The following PCDHGA10 variants were observed in gnomAD, a reference collection of about 807,000 sequenced individuals.
PCDHGA10 encodes protocadherin gamma-A10.
In PCDHGA10, 42 loss-of-function variants were observed where a neutral mutation model predicts 59.5. The observed-to-expected ratio is 0.71, with a 90% CI of 0.55 to 0.91. PCDHGA10 has a LOEUF of 0.91. PCDHGA10 is among the 40% of genes least tolerant of loss of function. PCDHGA10 has a pLI of 0.00. For synonymous variants in PCDHGA10, 511 were observed against 517.2 expected (o/e 0.99, Z 0.16); for missense variants, 1,111 against 1,198.2 (o/e 0.93, Z 1.07).
At chr5:141,454,471 A>C (rs774315258) in intron 1 of PCDHGA10, among the ~76,000 whole-genome samples, 7 of 152,198 alleles carry the variant, frequency 4.6e-5, no homozygotes, top group Non-Finnish European at 7.3e-5. Context: ...CAATGGCATG[A>C]TCTCAGCTCA....
intron 1 of PCDHGA10, among the ~76,000 whole-genome samples, chr5:141,442,843 G>C (rs1264073611): frequency 2.0e-5 from 3 of 152,134 alleles, no homozygotes; most frequent in African/African-American, 7.2e-5. Flanking sequence ...GACAAATCTT[G>C]GCCATTGTAG....
At chr5:141,418,407 A>C (rs1165583519) in intron 1 of PCDHGA10, 1 of 1,613,926 alleles carries the variant, frequency 6.2e-7, no homozygotes, top group Non-Finnish European at 8.5e-7. Flanking sequence ...TTGGTGGAGA[A>C]AGACAATCCT....
rs367905789 is a variant in PCDHGA10 at position 141,487,335 on chromosome 5, G to A, written c.2437-7472G>A. 11 of 1,614,064 alleles carry A rather than the reference G, an allele frequency of 6.8e-6. No individual in the cohort carries two copies. The highest frequency in any genetic ancestry group is 8.5e-6 in the Non-Finnish European group (10 of 1,180,044). Reference sequence around the variant, plus strand: ...TCTAAGTGTCTTCGTGGGGCAGCCTGTGGAGTCACATGCTTTCCTGCTGGC... The same window carrying A: ...TCTAAGTGTCTTCGTGGGGCAGCCTATGGAGTCACATGCTTTCCTGCTGGC... On this transcript the variant is annotated intron_variant, in intron 1 of 3. Transcript: ENST00000398610. This position sits in a 1 kb window ranked among gnomAD's most constrained non-coding sequence, Gnocchi z 5.0.
At chr5:141,475,600 T>A (rs1023916159) in intron 1 of PCDHGA10, among the ~76,000 whole-genome samples, 2 of 152,192 alleles carry the variant, frequency 1.3e-5, no homozygotes, top group Admixed American at 1.3e-4. Context: ...TTCCAGACAA[T>A]GTTGTGTAGT....
At chr5:141,417,832 G>C in intron 1 of PCDHGA10, 1 of 1,528,846 alleles carries the variant, frequency 6.5e-7, no homozygotes. Flanking sequence ...CTGGAAAAGC[G>C]GGGACCCAGC....
At chr5:141,430,404 A>T (rs1054341813) in intron 1 of PCDHGA10, among the ~76,000 whole-genome samples, 2 of 152,000 alleles carry the variant, frequency 1.3e-5, no homozygotes, top group African/African-American at 4.8e-5. Flanking sequence ...AAAGCTCACT[A>T]AAGTTTCTAT....
intron 1 of PCDHGA10, among the ~76,000 whole-genome samples, chr5:141,465,907 G>C (rs1367648934): frequency 6.6e-6 from 1 of 152,056 alleles, no homozygotes; most frequent in East Asian, 1.9e-4. Flanking sequence ...CAAATCACGA[G>C]GTCAGGATTT....
chr5:141,415,890 C>A lies in PCDHGA10; in HGVS notation c.2436+279C>A, dbSNP rs2095969500. The A allele has an allele frequency of 9.7e-6, 9 of 931,410 alleles. No homozygotes were observed. In the South Asian group the frequency reaches 2.3e-4, roughly 24 times the overall value. 57.7% of individuals were successfully genotyped at this position (931,410 alleles called of 1,614,324 possible). On this transcript the variant is annotated intron_variant, in intron 1 of 3. Coordinates refer to ENST00000398610, the MANE Select transcript of PCDHGA10 (RefSeq NM_018913.3). Reference sequence around the variant, plus strand: ...GTTGTTGAGTACAATATTGACAATTCCTAAGACAGACTTCCATACAGAAGT... The same window carrying A: ...GTTGTTGAGTACAATATTGACAATTACTAAGACAGACTTCCATACAGAAGT...
rs144804989 is a variant in PCDHGA10 at position 141,489,791 on chromosome 5, C to T, written c.2437-5016C>T. 1.9e-6 allele frequency: 3 copies of T among 1,614,056 alleles called. No individual in the cohort carries two copies. Among genetic ancestry groups the T allele is most frequent in the Admixed American group, 1.7e-5 (1 of 60,010 alleles). Reference sequence around the variant, plus strand: ...AGCCACTTCTCTCTGAATGTGAAGACCCTAAAAGATGGGAAGCCATTCCCA... The same window carrying T: ...AGCCACTTCTCTCTGAATGTGAAGATCCTAAAAGATGGGAAGCCATTCCCA... On this transcript the variant is annotated intron_variant, in intron 1 of 3. Transcript: ENST00000398610. This position sits in a 1 kb window ranked among gnomAD's most constrained non-coding sequence, Gnocchi z 4.5.
intron 2 of PCDHGA10, among the ~76,000 whole-genome samples, chr5:141,499,984 G>A (rs1350203006): frequency 6.6e-6 from 1 of 151,872 alleles, no homozygotes; most frequent in East Asian, 1.9e-4. Context: ...CACCTTGCCC[G>A]GCCAGATGAT....
chr5:141,437,094 G>A (rs1183502010), intron 1 of PCDHGA10, among the ~76,000 whole-genome samples: 3 of 152,126 alleles, frequency 2.0e-5, no homozygotes, highest in African/African-American at 4.8e-5. Context: ...TGAAACTAAC[G>A]GCTTAGCTTT....
chr5:141,473,163 G>T (rs1379230893), intron 1 of PCDHGA10, among the ~76,000 whole-genome samples: 2 of 152,160 alleles, frequency 1.3e-5, no homozygotes, highest in Non-Finnish European at 1.5e-5. Flanking sequence ...GGGCTAGGAA[G>T]GCCCACTGGT....
In PCDHGA10 at chr5:141,476,857, C is replaced by G. The variant is rs201408987; in HGVS notation, c.2437-17950C>G. The G allele has an allele frequency of 3.1e-6, 5 of 1,613,886 alleles. No individual in the cohort carries two copies. Among genetic ancestry groups the G allele is most frequent in the Non-Finnish European group, 4.2e-6 (5 of 1,180,046 alleles). On this transcript the variant is annotated intron_variant, in intron 1 of 3. Coordinates refer to ENST00000398610, the MANE Select transcript of PCDHGA10 (RefSeq NM_018913.3). This position sits in a 1 kb window ranked among gnomAD's most constrained non-coding sequence, Gnocchi z 7.6. Reference sequence around the variant, plus strand: ...ACAATGCGCCTGTCTTCAACCAGTCCTTGTACCGGGCGCGCGTCCTGGAGG... The same window carrying G: ...ACAATGCGCCTGTCTTCAACCAGTCGTTGTACCGGGCGCGCGTCCTGGAGG...
chr5:141,456,324 G>T (rs757059960), intron 1 of PCDHGA10, among the ~76,000 whole-genome samples: 15 of 152,166 alleles, frequency 9.9e-5, no homozygotes, highest in Non-Finnish European at 2.9e-5. Context: ...TCCTCCTGGG[G>T]TTGATCTAAG....
Position 141,418,384 on chromosome 5 carries a change from C to T in PCDHGA10, c.2436+2773C>T, listed in dbSNP as rs774636792. 5 of 1,613,982 alleles carry T rather than the reference C, an allele frequency of 3.1e-6. No homozygotes were observed. In the South Asian group the frequency reaches 4.4e-5, roughly 14 times the overall value. ...TGAGCAAATACCAACTAAGTCCTAA[C>T]GAGTATTTCTCATTGGTGGAGAAAG... is the stretch of plus-strand genomic sequence containing the variant. On this transcript the variant is annotated intron_variant, in intron 1 of 3. Coordinates refer to ENST00000398610, the MANE Select transcript of PCDHGA10 (RefSeq NM_018913.3).
intron 1 of PCDHGA10, among the ~76,000 whole-genome samples, chr5:141,481,668 A>G (rs1051166504): frequency 6.6e-6 from 1 of 152,090 alleles, no homozygotes; most frequent in Admixed American, 6.6e-5. Flanking sequence ...TAATACAAAA[A>G]TCAGGCCGGG....
chr5:141,465,505 G>C (rs905617997), intron 1 of PCDHGA10, among the ~76,000 whole-genome samples: 1 of 152,190 alleles, frequency 6.6e-6, no homozygotes, highest in Non-Finnish European at 1.5e-5. Context: ...CATTGTCGTG[G>C]TCAGGAAGGA....
intron 1 of PCDHGA10, among the ~76,000 whole-genome samples, chr5:141,465,785 T>G (rs564238782): frequency 6.6e-6 from 1 of 152,262 alleles, no homozygotes; most frequent in South Asian, 2.1e-4. Flanking sequence ...TACAGTTTTT[T>G]TTTTTTTAAG....
intron 1 of PCDHGA10, among the ~76,000 whole-genome samples, chr5:141,456,073 A>G (rs1490650582): frequency 2.6e-5 from 4 of 151,252 alleles, no homozygotes; most frequent in Non-Finnish European, 5.9e-5. Flanking sequence ...AATTTTTTGT[A>G]TTTTCAGTAG....
Sources: gnomAD v4.1 joint callset for allele counts (sites outside exome capture counted in the v4.1 genomes callset) on GRCh38, gnomAD v4.1.1 for gene constraint, Gnocchi (gnomAD v3.1) non-coding constraint, MANE v1.5 for transcripts, NCBI Gene and HGNC (gene_info 2026-07-23, HGNC 2026-07-21) for gene names.